TBCK: variants seen among roughly 807,000 people sequenced by gnomAD.
TBCK encodes TBC1 domain containing kinase.
In TBCK, 99 loss-of-function variants were observed where a neutral mutation model predicts 113.4. The ratio of observed to expected loss-of-function variants is 0.87; its 90% confidence interval spans 0.74 to 1.03. The LOEUF (loss-of-function observed/expected upper bound fraction) is 1.03, where lower values mean the gene tolerates loss of function less well. Among genes scored for constraint, TBCK ranks in the 50% least tolerant of loss-of-function variants. TBCK has a pLI of 0.00. For missense variants in TBCK, 1,045 were observed against 1,061.3 expected (o/e 0.98, Z 0.21); for synonymous variants, 369 against 370.8 (o/e 1.00, Z 0.05).
intron 25 of TBCK, among the ~76,000 whole-genome samples, chr4:106,079,265 A>G (rs1256810310): frequency 6.6e-6 from 1 of 152,228 alleles, no homozygotes; most frequent in Non-Finnish European, 1.5e-5. Flanking sequence ...AACTGGAACA[A>G]GACAAGGATG....
intron 25 of TBCK, among the ~76,000 whole-genome samples, chr4:106,084,716 A>G (rs1200963554): frequency 6.6e-6 from 1 of 152,234 alleles, no homozygotes; most frequent in African/African-American, 2.4e-5. Context: ...TACAAAGGGA[A>G]GCCCATCAGA....
At chr4:106,140,831 G>T (rs1189744906) in intron 23 of TBCK, among the ~76,000 whole-genome samples, 1 of 138,828 alleles carries the variant, frequency 7.2e-6, no homozygotes, top group African/African-American at 2.5e-5. Context: ...GACTTAAACC[G>T]AAAGTTTGGT....
chr4:106,224,990 A>G (rs956464061), intron 19 of TBCK, among the ~76,000 whole-genome samples: 1 of 152,194 alleles, frequency 6.6e-6, no homozygotes, highest in African/African-American at 2.4e-5. Context: ...CTTGTCTCCT[A>G]GACTTATAAG....
intron 20 of TBCK, among the ~76,000 whole-genome samples, chr4:106,210,825 T>C (rs1287039191): frequency 6.6e-6 from 1 of 152,204 alleles, no homozygotes; most frequent in East Asian, 1.9e-4. Flanking sequence ...TAACTCAACA[T>C]TGTTTCTTAC....
At chr4:106,080,031 G>A (rs1293246775) in intron 25 of TBCK, among the ~76,000 whole-genome samples, 7 of 152,010 alleles carry the variant, frequency 4.6e-5, no homozygotes, top group East Asian at 1.9e-4. Flanking sequence ...CTAACAATTC[G>A]ACATGAGATT....
chr4:106,180,089 C>T (rs1309341255), intron 22 of TBCK, among the ~76,000 whole-genome samples: 3 of 151,928 alleles, frequency 2.0e-5, no homozygotes, highest in Non-Finnish European at 4.4e-5. Flanking sequence ...AATCTTCTCT[C>T]ATCCCTTCAC....
rs193211085 is a variant in TBCK at position 106,270,439 on chromosome 4, T to G, written c.267-8227A>C. Among the ~76,000 whole-genome samples, 6 of 152,304 alleles carry G rather than the reference T, an allele frequency of 3.9e-5. No homozygotes were observed. The East Asian group carries it at 1.2e-3, about 29-fold the overall frequency. ...CTGGCTGTGCAAACACACTAGGTAA[T>G]AAGTCCAACTCCCCATACCCTGGCA... is the stretch of plus-strand genomic sequence containing the variant. On this transcript the variant is annotated intron_variant, in intron 3 of 25. Coordinates refer to ENST00000394708, the MANE Select transcript of TBCK (RefSeq NM_001163435.3).
chr4:106,211,086 A>G (rs567471492), intron 20 of TBCK, among the ~76,000 whole-genome samples: 1 of 152,250 alleles, frequency 6.6e-6, no homozygotes, highest in Non-Finnish European at 1.5e-5. Flanking sequence ...TTCCAAACAT[A>G]CTTGTCTACA....
intron 25 of TBCK, 39 bp downstream of exon 25, chr4:106,095,443 C>A: frequency 6.5e-7 from 1 of 1,546,264 alleles, no homozygotes; most frequent in Non-Finnish European, 8.8e-7. Flanking sequence ...AGGTAAATCA[C>A]TCATCATATG....
chr4:106,077,445 A>G (rs904182965), intron 25 of TBCK, among the ~76,000 whole-genome samples: 3 of 152,248 alleles, frequency 2.0e-5, no homozygotes, highest in Non-Finnish European at 4.4e-5. Flanking sequence ...AGTAACAGCA[A>G]TAGGCTTAAA....
chr4:106,316,509 C>T (rs945291395), upstream of TBCK: 6 of 1,549,830 alleles, frequency 3.9e-6, no homozygotes, highest in Non-Finnish European at 5.2e-6. Flanking sequence ...CTCATTGGGT[C>T]CTTTCTCACT....
intron 25 of TBCK, among the ~76,000 whole-genome samples, chr4:106,077,079 A>C (rs369094243): frequency 1.3e-4 from 20 of 152,202 alleles, no homozygotes; most frequent in African/African-American, 4.8e-4. Flanking sequence ...CCAGCTGGGG[A>C]GATAGATAGA....
intron 22 of TBCK, among the ~76,000 whole-genome samples, chr4:106,187,800 A>AT (rs1338069514): frequency 3.3e-5 from 5 of 152,030 alleles, no homozygotes; most frequent in Admixed American, 2.0e-4. Context: ...TAAGTAATGT[A>AT]TTTTTTTATT....
intron 25 of TBCK, among the ~76,000 whole-genome samples, chr4:106,055,652 T>C (rs4577583): frequency 0.4 from 60,141 of 151,240 alleles, 12,255 homozygotes; most frequent in African/African-American, 0.47. Context: ...CCTTTGATCT[T>C]ATTTTCTTTG....
In TBCK at chr4:106,274,190, G is replaced by C. The variant is rs941186858; in HGVS notation, c.267-11978C>G. 2.0e-5 allele frequency among the ~76,000 whole-genome samples: 3 copies of C among 152,168 alleles called. 1 individual carries two copies. The South Asian group carries it at 6.2e-4, about 32-fold the overall frequency. The stretch of plus-strand genomic sequence containing the variant: ...CCCACTAGGATGTCTACAATCAAAA[G>C]ATGAAAAATAACAAATGTTGGTAAG... On this transcript the variant is annotated intron_variant, in intron 3 of 25. Transcript: ENST00000394708.
At chr4:106,255,005 T>A (rs923626188) in intron 5 of TBCK, 1 of 309,004 alleles carries the variant, frequency 3.2e-6, no homozygotes, top group Admixed American at 4.0e-5. Flanking sequence ...CTTCTCTACA[T>A]ACATTTTAAA....
intron 2 of TBCK, among the ~76,000 whole-genome samples, chr4:106,305,729 G>A (rs1369631944): frequency 6.6e-6 from 1 of 152,046 alleles, no homozygotes; most frequent in Non-Finnish European, 1.5e-5. Context: ...ACAAGATACA[G>A]GTCATAAAGA....
chr4:106,290,003 A>T (rs1765524722), intron 3 of TBCK, among the ~76,000 whole-genome samples: 1 of 152,106 alleles, frequency 6.6e-6, no homozygotes. Context: ...TACATATTGC[A>T]TTGTAAATCT....
intron 23 of TBCK, among the ~76,000 whole-genome samples, chr4:106,126,248 T>C (rs539772602): frequency 6.6e-6 from 1 of 152,330 alleles, no homozygotes; most frequent in South Asian, 2.1e-4. Context: ...TTCACAGGTA[T>C]CTGGTATACA....
Sources: gnomAD v4.1 joint callset for allele counts (sites outside exome capture counted in the v4.1 genomes callset) on GRCh38, gnomAD v4.1.1 for gene constraint, MANE v1.5 for transcripts, NCBI Gene and HGNC (gene_info 2026-07-23, HGNC 2026-07-21) for gene names.